The following PRKAG2 variants were observed in gnomAD, a reference collection of about 807,000 sequenced individuals.
The protein encoded by PRKAG2 is protein kinase AMP-activated non-catalytic subunit gamma 2, also known as 5'-AMP-activated protein kinase subunit gamma-2.
Under a neutral mutation model 69.6 loss-of-function variants are expected in PRKAG2, and 26 were observed. That is an observed-to-expected ratio of 0.37 (90% CI 0.27 to 0.52). The LOEUF (loss-of-function observed/expected upper bound fraction) is 0.52. PRKAG2 is among the 20% of genes least tolerant of loss of function. PRKAG2 has a pLI of 0.90. For missense variants in PRKAG2, 557 were observed against 740.0 expected, an observed-to-expected ratio of 0.75 and a Z score of 2.87; for synonymous variants, 293 against 285.0, an observed-to-expected ratio of 1.03 and a Z score of -0.28.
chr7:151,770,741 A>G (rs2151777830), intron 3 of PRKAG2, among the ~76,000 whole-genome samples: 1 of 152,292 alleles, frequency 6.6e-6, no homozygotes, highest in East Asian at 1.9e-4. Flanking sequence ...AAAACACATC[A>G]ACCAGTCTCA....
At position 151,781,800 on chromosome 7, in the gene PRKAG2, A is replaced by C. The variant is rs2076685315; in HGVS notation, c.187-369T>G. Among the ~76,000 whole-genome samples the C allele has an allele frequency of 6.6e-6, 1 of 152,162 alleles. No homozygotes were observed. Among genetic ancestry groups the C allele is most frequent in the South Asian group, 2.1e-4 (1 of 4,830 alleles). ...CCTCTCAAGACCTCACGTCCATCCA[A>C]GTTCTGACCACACAGGACTGCAGTC... On this transcript the variant is annotated intron_variant, in intron 2 of 15. Coordinates refer to ENST00000287878, the MANE Select transcript of PRKAG2 (RefSeq NM_016203.4). This position sits in a 1 kb window ranked among gnomAD's most constrained non-coding sequence, Gnocchi z 6.1.
intron 1 of PRKAG2, among the ~76,000 whole-genome samples, chr7:151,856,795 G>C (rs13231633): frequency 6.6e-6 from 1 of 152,188 alleles, no homozygotes; most frequent in African/African-American, 2.4e-5. Flanking sequence ...CCACAGGGAA[G>C]AGAACTGGAT....
At chr7:151,792,180 G>A (rs1296994408) in intron 1 of PRKAG2, among the ~76,000 whole-genome samples, 1 of 152,162 alleles carries the variant, frequency 6.6e-6, no homozygotes, top group Non-Finnish European at 1.5e-5. Flanking sequence ...GACCTCAGGG[G>A]AAGGAAGGAA....
chr7:151,741,292 TAAGA>T (rs1328137136), intron 3 of PRKAG2, among the ~76,000 whole-genome samples: 1 of 152,124 alleles, frequency 6.6e-6, no homozygotes, highest in Non-Finnish European at 1.5e-5. Flanking sequence ...AGTATCCCAA[TAAGA>T]AAGAGGCAGA....
At position 151,564,068 on chromosome 7, in the gene PRKAG2, G is replaced by C; in HGVS notation, c.1584+10C>G. 1 of 1,613,942 alleles carries C rather than the reference G, an allele frequency of 6.2e-7. No homozygotes were observed. Among genetic ancestry groups the C allele is most frequent in the Non-Finnish European group, 8.5e-7 (1 of 1,179,932 alleles). On this transcript the variant is annotated intron_variant, in intron 14 of 15. Coordinates refer to ENST00000287878, the MANE Select transcript of PRKAG2 (RefSeq NM_016203.4). The stretch of plus-strand genomic sequence containing the variant: ...ACGTCGGGGGAGCAGGACTGGGAAA[G>C]CCGTCTCACCTCAGCTCTTACTATT...
chr7:151,696,029 G>T (rs779912397), intron 3 of PRKAG2, among the ~76,000 whole-genome samples: 7 of 152,160 alleles, frequency 4.6e-5, no homozygotes, highest in Non-Finnish European at 8.8e-5. Context: ...CCGGCATAAG[G>T]TTTGATGTTG....
chr7:151,768,134 G>A (rs1025401356), intron 3 of PRKAG2, among the ~76,000 whole-genome samples: 15 of 152,178 alleles, frequency 9.9e-5, no homozygotes, highest in Admixed American at 9.8e-4. Context: ...GAGGGTTCTA[G>A]AAAGGAACTA....
intron 5 of PRKAG2, among the ~76,000 whole-genome samples, chr7:151,605,602 T>C (rs6958575): frequency 0.045 from 6,732 of 150,540 alleles, 478 homozygotes; most frequent in African/African-American, 0.16. Context: ...CTGTGCATAG[T>C]GGTGCATGCC....
Position 151,632,173 on chromosome 7 carries a change from G to C in PRKAG2, c.685-35C>G, listed in dbSNP as rs765598162. On this transcript the variant is annotated intron_variant, in intron 4 of 15. Transcript: ENST00000287878. This position sits in a 1 kb window ranked among gnomAD's most constrained non-coding sequence, Gnocchi z 4.2. ...AGGAGGAGGACAGCGATCAGCATGA[G>C]CTGCGACGCTCGTCCCCGGCCGGCG... 40 of 1,285,246 alleles carry C rather than the reference G, an allele frequency of 3.1e-5. No homozygotes were observed. Among genetic ancestry groups the C allele is most frequent in the Non-Finnish European group, 3.0e-6 (3 of 1,005,892 alleles). The allele number at this position is 1,285,246 out of a possible 1,614,324, so 79.6% of individuals were successfully genotyped here.
At chr7:151,765,942 G>T (rs898991040) in intron 3 of PRKAG2, among the ~76,000 whole-genome samples, 1 of 152,204 alleles carries the variant, frequency 6.6e-6, no homozygotes, top group Non-Finnish European at 1.5e-5. Flanking sequence ...ATGGCATCAT[G>T]TGTCTGGATT....
chr7:151,795,795 G>A (rs1465656522), intron 1 of PRKAG2, among the ~76,000 whole-genome samples: 5 of 142,028 alleles, frequency 3.5e-5, no homozygotes, highest in African/African-American at 8.0e-5. Context: ...CAGTGGATTC[G>A]GGACTTTCCA....
At chr7:151,824,985 G>A (rs1479959288) in intron 1 of PRKAG2, among the ~76,000 whole-genome samples, 2 of 152,194 alleles carry the variant, frequency 1.3e-5, no homozygotes, top group African/African-American at 2.4e-5. Context: ...AGACTGAGGC[G>A]GGCGGATCAC....
At chr7:151,557,785 G>A (rs1024003572) in intron 15 of PRKAG2, 3 of 582,414 alleles carry the variant, frequency 5.2e-6, no homozygotes, top group African/African-American at 2.0e-5. Context: ...CAGGAGAATC[G>A]CTTGAATCCG....
intron 1 of PRKAG2, among the ~76,000 whole-genome samples, chr7:151,862,386 G>A (rs555236967): frequency 6.6e-6 from 1 of 152,186 alleles, no homozygotes; most frequent in Non-Finnish European, 1.5e-5. Context: ...TTCTCTTTGA[G>A]GTATGTGGCT....
chr7:151,844,051 G>A (rs1047770253), intron 1 of PRKAG2, among the ~76,000 whole-genome samples: 1 of 152,232 alleles, frequency 6.6e-6, no homozygotes, highest in Non-Finnish European at 1.5e-5. Flanking sequence ...GGTAGAAGGA[G>A]GAGATAGAAG....
rs574500034 is a variant in PRKAG2, at chr7:151,707,776, G to T, written c.467-32139C>A. Among the ~76,000 whole-genome samples the T allele has an allele frequency of 1.6e-4, 25 of 152,300 alleles. 1 individual carries two copies. Among genetic ancestry groups the T allele is most frequent in the Admixed American group, 1.6e-3 (24 of 15,302 alleles). ...AACCAAGTTAAACCGGCCAGCCAGG[G>T]AGCTGGGCCTACGTCAGTAGGGGGC... On this transcript the variant is annotated intron_variant, in intron 3 of 15. Transcript: ENST00000287878.
chr7:151,873,593 G>A (rs35599550), intron 1 of PRKAG2, among the ~76,000 whole-genome samples: 37,055 of 152,002 alleles, frequency 0.24, 4,867 homozygotes, highest in East Asian at 0.36. Context: ...GCCTGGGCAC[G>A]TGGTCACCCT....
chr7:151,808,004 T>C (rs7797865), intron 1 of PRKAG2, among the ~76,000 whole-genome samples: 61,389 of 151,942 alleles, frequency 0.4, 14,168 homozygotes, highest in African/African-American at 0.63. Flanking sequence ...CCTTTCCCTC[T>C]GCCCAAGTGA....
At chr7:151,690,291 C>T (rs1227116520) in intron 3 of PRKAG2, among the ~76,000 whole-genome samples, 1 of 152,136 alleles carries the variant, frequency 6.6e-6, no homozygotes, top group African/African-American at 2.4e-5. Flanking sequence ...CAGTACCTAC[C>T]CCTGGTAGAG....
Sources: gnomAD v4.1 joint callset for allele counts (sites outside exome capture counted in the v4.1 genomes callset) on GRCh38, gnomAD v4.1.1 for gene constraint, Gnocchi (gnomAD v3.1) non-coding constraint, MANE v1.5 for transcripts, NCBI Gene and HGNC (gene_info 2026-07-23, HGNC 2026-07-21) for gene names.